PRKCE: variants seen among roughly 807,000 people sequenced by gnomAD.
PRKCE encodes protein kinase C epsilon.
In PRKCE, 16 loss-of-function variants were observed where a neutral mutation model predicts 85.4. That is an observed-to-expected ratio of 0.19 (90% confidence interval 0.13 to 0.28). The LOEUF (loss-of-function observed/expected upper bound fraction) is 0.28. Among genes scored for constraint, PRKCE ranks in the 10% least tolerant of loss-of-function variants. PRKCE has a pLI of 1.00. For missense variants in PRKCE, 573 were observed against 975.2 expected (o/e 0.59, Z 5.49); for synonymous variants, 388 against 371.5 (o/e 1.04, Z -0.51).
intron 11 of PRKCE, among the ~76,000 whole-genome samples, chr2:46,086,580 C>A (rs1331361533): frequency 6.6e-6 from 1 of 152,116 alleles, no homozygotes; most frequent in African/African-American, 2.4e-5. Context: ...ACTGTTTGTG[C>A]CAGTTTTGAT....
rs1385720215 is a variant in PRKCE, at chr2:45,675,570, A to G, written c.348+23122A>G. On this transcript the variant is annotated intron_variant, in intron 1 of 14. Transcript: ENST00000306156. ...ACCGGTCTGACGAGTTTTAAGGTCC[A>G]TGTGGTTTGAGGAAATTCAGTGGTG... The G allele has an allele frequency of 2.6e-5, 4 of 152,210 alleles. No individual in the cohort carries two copies. The South Asian group carries it at 6.2e-4, about 24-fold the overall frequency. The allele number at this position is 152,210 out of a possible 1,614,324, so 9.4% of individuals were successfully genotyped here. A position where few individuals can be genotyped will look rare whatever the true frequency, so the allele number is the denominator to read the frequency against.
intron 12 of PRKCE, among the ~76,000 whole-genome samples, chr2:46,147,063 C>G (rs1280733137): frequency 6.6e-6 from 1 of 152,186 alleles, no homozygotes; most frequent in South Asian, 2.1e-4. Context: ...CCACACAAGA[C>G]AGGGGAGGCC....
intron 10 of PRKCE, among the ~76,000 whole-genome samples, chr2:46,051,224 T>A (rs975796436): frequency 6.6e-6 from 1 of 152,200 alleles, no homozygotes; most frequent in African/African-American, 2.4e-5. Context: ...TTATTTAATG[T>A]TGAAATCTGA....
chr2:46,106,354 C>T (rs1334801361), intron 11 of PRKCE, among the ~76,000 whole-genome samples: 2 of 152,222 alleles, frequency 1.3e-5, no homozygotes, highest in African/African-American at 2.4e-5. Flanking sequence ...CCACCTGCCA[C>T]CCATTTACTT....
chr2:45,799,040 C>A (rs1687656626), intron 1 of PRKCE, among the ~76,000 whole-genome samples: 1 of 151,976 alleles, frequency 6.6e-6, no homozygotes, highest in Admixed American at 6.5e-5. Context: ...GTGGTGGGCT[C>A]CTGTAGTCCC....
chr2:45,964,852 G>C (rs1327498997), intron 2 of PRKCE, among the ~76,000 whole-genome samples: 1 of 152,212 alleles, frequency 6.6e-6, no homozygotes, highest in African/African-American at 2.4e-5. Flanking sequence ...CCGTATCAAA[G>C]TCTGAGATTT....
intron 10 of PRKCE, among the ~76,000 whole-genome samples, chr2:46,062,201 A>G (rs1008144950): frequency 1.3e-5 from 2 of 152,194 alleles, no homozygotes; most frequent in African/African-American, 4.8e-5. Flanking sequence ...CCTGCTGGAT[A>G]TAAAGCCCTG....
At chr2:45,997,542 T>C (rs1396098665) in intron 6 of PRKCE, among the ~76,000 whole-genome samples, 1 of 152,006 alleles carries the variant, frequency 6.6e-6, no homozygotes, top group East Asian at 1.9e-4. Context: ...TTTTTTATTT[T>C]TATTTTATTT....
rs191454118 is a variant in PRKCE, at chr2:45,877,225, A to G, written c.412+34162A>G. Among the ~76,000 whole-genome samples, 68 of 152,316 alleles carry G rather than the reference A, an allele frequency of 4.5e-4. 1 individual carries two copies. Among genetic ancestry groups the G allele is most frequent in the African/African-American group, 1.6e-3 (66 of 41,576 alleles). On this transcript the variant is annotated intron_variant, in intron 2 of 14. Coordinates refer to ENST00000306156, the MANE Select transcript of PRKCE (RefSeq NM_005400.3). The stretch of plus-strand genomic sequence containing the variant: ...CTGTCAATCTGTTACTCTTTTAAAG[A>G]TAAGGTCCCCTCACCCCATCTCTTT...
intron 1 of PRKCE, among the ~76,000 whole-genome samples, chr2:45,809,337 G>T (rs1490430659): frequency 6.6e-6 from 1 of 152,064 alleles, no homozygotes; most frequent in Non-Finnish European, 1.5e-5. Context: ...GATACTAATG[G>T]CCACCTAGAA....
intron 1 of PRKCE, among the ~76,000 whole-genome samples, chr2:45,840,080 C>T (rs568052173): frequency 2.0e-5 from 3 of 152,274 alleles, no homozygotes; most frequent in Non-Finnish European, 2.9e-5. Flanking sequence ...GGATAGGCCC[C>T]GAAGCCCATC....
chr2:45,890,788 G>A (rs148300642), intron 2 of PRKCE, among the ~76,000 whole-genome samples: 2 of 152,306 alleles, frequency 1.3e-5, no homozygotes, highest in East Asian at 3.9e-4. Flanking sequence ...AGTATATGGA[G>A]TGCCTACCCT....
At chr2:46,060,730 T>C (rs1337441973) in intron 10 of PRKCE, among the ~76,000 whole-genome samples, 1 of 151,784 alleles carries the variant, frequency 6.6e-6, no homozygotes, top group East Asian at 1.9e-4. Context: ...TATAGTCAGA[T>C]TTTTTTCTCT....
At chr2:46,103,449 A>G (rs1462399798) in intron 11 of PRKCE, among the ~76,000 whole-genome samples, 1 of 152,222 alleles carries the variant, frequency 6.6e-6, no homozygotes. Context: ...CTCTCAAAGG[A>G]CAGAACAAGG....
At chr2:45,940,215 T>C (rs1461204030) in intron 2 of PRKCE, among the ~76,000 whole-genome samples, 2 of 152,280 alleles carry the variant, frequency 1.3e-5, no homozygotes, top group South Asian at 2.1e-4. Context: ...CTCAGCAAGA[T>C]GTGTGTCTAG....
chr2:45,697,199 G>A lies in PRKCE; in HGVS notation c.348+44751G>A, dbSNP rs1407586111. The stretch of plus-strand genomic sequence containing the variant: ...ACAGTGACTGCATCGTCCTTTCAAA[G>A]AGTCCATGCTCTACCTGGGAGGGCC... On this transcript the variant is annotated intron_variant, in intron 1 of 14. Transcript: ENST00000306156. This position sits in a 1 kb window ranked among gnomAD's most constrained non-coding sequence, Gnocchi z 4.2. Among the ~76,000 whole-genome samples the A allele has an allele frequency of 6.6e-6, 1 of 152,140 alleles. No individual in the cohort carries two copies. Among genetic ancestry groups the A allele is most frequent in the African/African-American group, 2.4e-5 (1 of 41,412 alleles).
At chr2:46,031,915 C>T (rs1259179717) in intron 10 of PRKCE, among the ~76,000 whole-genome samples, 1 of 152,152 alleles carries the variant, frequency 6.6e-6, no homozygotes, top group Admixed American at 6.5e-5. Context: ...AACCTCTTCC[C>T]ACCCACACAA....
In PRKCE at chr2:46,066,138, AGTG is replaced by A. The variant is rs1667606110; in HGVS notation, c.1438-20066_1438-20064del. On this transcript the variant is annotated intron_variant, in intron 10 of 14. Coordinates refer to ENST00000306156, the MANE Select transcript of PRKCE (RefSeq NM_005400.3). ...CTGTGACCTAGAGGAAAGACACAGA[AGTG>A]GTGAGGGGTTGCAGGGGCTGTAGCG... 2.0e-5 allele frequency among the ~76,000 whole-genome samples: 3 copies of A among 152,212 alleles called. No individual in the cohort carries two copies. In the South Asian group the frequency reaches 6.2e-4, roughly 32 times the overall value.
At chr2:45,962,964 A>C (rs72804704) in intron 2 of PRKCE, among the ~76,000 whole-genome samples, 6,946 of 152,286 alleles carry the variant, frequency 0.046, 232 homozygotes, top group Non-Finnish European at 0.07. Context: ...GAAAAAGTTT[A>C]ATTGAAGCAG....
Sources: allele counts gnomAD v4.1 joint callset (sites outside exome capture counted in the v4.1 genomes callset), GRCh38; gene constraint gnomAD v4.1.1; non-coding constraint Gnocchi (gnomAD v3.1); transcripts MANE v1.5; gene names NCBI Gene and HGNC (gene_info 2026-07-23, HGNC 2026-07-21).